HES7: variants seen among roughly 807,000 people sequenced by gnomAD.
The protein encoded by HES7 is hes family bHLH transcription factor 7, also known as transcription factor HES-7.
HES7 carries 8 observed loss-of-function variants against 18.0 expected under a neutral mutation model. The ratio of observed to expected loss-of-function variants is 0.45; its 90% CI spans 0.26 to 0.80. HES7 has a LOEUF of 0.80. Ranked by LOEUF, HES7 falls within the 30% of genes least tolerant of loss-of-function variation. The probability of loss-of-function intolerance (pLI) is 0.18; values close to 1 mark genes in which losing one functional copy is unlikely to be tolerated. For synonymous variants in HES7, 170 were observed against 158.6 expected (o/e 1.07, Z -0.54); for missense variants, 356 against 340.9 (o/e 1.04, Z -0.35).
Position 8,122,076 on chromosome 17 carries a change from G to T in HES7, c.227-39C>A. ...CGGGAGCACAGGTGGGCAGGGCAGG[G>T]GCCCGGCAGGGGTGAGGGAAGGGGC... On this transcript the variant is annotated intron_variant, in intron 3 of 3. Transcript: ENST00000541682. This position sits in a 1 kb window ranked among gnomAD's most constrained non-coding sequence, Gnocchi z 6.9. 6.9e-7 allele frequency: 1 copy of T among 1,459,704 alleles called. No homozygotes were observed. 90.4% of individuals were successfully genotyped at this position (1,459,704 alleles called of 1,614,324 possible). A position where few individuals can be genotyped will look rare whatever the true frequency, so the allele number is the denominator to read the frequency against.
At chr17:8,125,769 T>A (rs377519668), upstream of HES7, among the ~76,000 whole-genome samples, 2 of 152,318 alleles carry the variant, frequency 1.3e-5, 1 homozygote, top group Admixed American at 1.3e-4. Context: ...AGTGGTAGAA[T>A]TCTCGCCTGC....
chr17:8,122,675 T>G lies in HES7; in HGVS notation c.139-245A>C, dbSNP rs1216481119. Among the ~76,000 whole-genome samples, 1 of 151,916 alleles carries G rather than the reference T, an allele frequency of 6.6e-6. No individual in the cohort carries two copies. The highest frequency in any genetic ancestry group is 1.5e-5 in the Non-Finnish European group (1 of 67,992). Reference sequence around the variant, plus strand: ...AATGCCCAACGCGTGAGGAGGAGATTTGAAACCGCAACCCAGGGAATGAAA... The same window carrying G: ...AATGCCCAACGCGTGAGGAGGAGATGTGAAACCGCAACCCAGGGAATGAAA... On this transcript the variant is annotated intron_variant, in intron 2 of 3. Transcript: ENST00000541682. The surrounding 1 kb of genome is among the most constrained non-coding windows in gnomAD (Gnocchi z 6.9).
At chr17:8,125,766 G>GC (rs1256311959), upstream of HES7, among the ~76,000 whole-genome samples, 1 of 152,232 alleles carries the variant, frequency 6.6e-6, no homozygotes, top group Non-Finnish European at 1.5e-5. Context: ...TTCAGTGGTA[G>GC]AATTCTCGCC....
chr17:8,124,732 C>T (rs1981531431), upstream of HES7, among the ~76,000 whole-genome samples: 1 of 152,148 alleles, frequency 6.6e-6, no homozygotes, highest in African/African-American at 2.4e-5. Flanking sequence ...CCAGCTTATC[C>T]CTGCAGGATC....
At position 8,120,900 on chromosome 17, in the gene HES7, T is replaced by TAAGCA. The variant is rs1568012891; in HGVS notation, c.*670_*671insTGCTT. ...CATTCCCACTCTAGTACCCGTAAGC[T>TAAGCA]ACAAGACGCCGCCGTTCGTCGGGTG... On this transcript the variant is annotated 3_prime_UTR_variant, in exon 4 of 4. Coordinates refer to ENST00000541682, the MANE Select transcript of HES7 (RefSeq NM_001165967.2). The TAAGCA allele has an allele frequency of 2.0e-5, 3 of 152,590 alleles. No individual in the cohort carries two copies. The highest frequency in any genetic ancestry group is 1.3e-4 in the Admixed American group (2 of 15,278). The allele number at this position is 152,590 out of a possible 1,614,324, so 9.5% of individuals were successfully genotyped here. A position where few individuals can be genotyped will look rare whatever the true frequency, so the allele number is the denominator to read the frequency against.
chr17:8,122,025 G>A lies in HES7; in HGVS notation c.239C>T (p.Pro80Leu). 1.3e-6 allele frequency: 2 copies of A among 1,512,112 alleles called. No individual in the cohort carries two copies. The highest frequency in any genetic ancestry group is 1.8e-6 in the Non-Finnish European group (2 of 1,138,704). 93.7% of individuals were successfully genotyped at this position (1,512,112 alleles called of 1,614,324 possible). A position where few individuals can be genotyped will look rare whatever the true frequency, so the allele number is the denominator to read the frequency against. Residue 80 changes from proline to leucine, a missense_variant, in exon 4 of 4, where the codon CCA (proline) becomes CTA (leucine). Transcript: ENST00000541682. This position sits in a 1 kb window ranked among gnomAD's most constrained non-coding sequence, Gnocchi z 6.9. ...CTGGACTGGGGACCGGGGAACCCCT[G>A]GAGCCGCGGCGGCTGGTGCGGCCGG... ...SRVEPPAAAA[P>L]GVPRSPVQDA...
In HES7 at chr17:8,123,919, G is replaced by A. The variant is rs1981490973; in HGVS notation, c.42+124C>T. ...CTTCCTCTCCAGCTTCTGGCTCCTG[G>A]AGTTCTGGAGCACCGCTCCCCTTCC... On this transcript the variant is annotated intron_variant, in intron 1 of 3. Coordinates refer to ENST00000541682, the MANE Select transcript of HES7 (RefSeq NM_001165967.2). The surrounding 1 kb of genome is among the most constrained non-coding windows in gnomAD (Gnocchi z 5.9). 1 of 1,062,428 alleles carries A rather than the reference G, an allele frequency of 9.4e-7. No homozygotes were observed. The highest frequency in any genetic ancestry group is 1.4e-6 in the Non-Finnish European group (1 of 708,290). 65.8% of individuals were successfully genotyped at this position (1,062,428 alleles called of 1,614,324 possible).
At chr17:8,125,814 G>A (rs550680128), upstream of HES7, among the ~76,000 whole-genome samples, 92 of 152,300 alleles carry the variant, frequency 6.0e-4, 1 homozygote, top group African/African-American at 1.8e-3. Flanking sequence ...CCCGGCCAAT[G>A]CACGAGTACA....
At chr17:8,126,127 C>T (rs1981600988), upstream of HES7, among the ~76,000 whole-genome samples, 2 of 152,150 alleles carry the variant, frequency 1.3e-5, no homozygotes, top group South Asian at 4.1e-4. Flanking sequence ...CTCCCCGCCC[C>T]CCACTCTACA....
At position 8,121,520 on chromosome 17, in the gene HES7, G is replaced by C. The variant is rs1426493506; in HGVS notation, c.*51C>G. 4.7e-6 allele frequency: 6 copies of C among 1,268,278 alleles called. No homozygotes were observed. Among genetic ancestry groups the C allele is most frequent in the Non-Finnish European group, 5.9e-6 (6 of 1,009,358 alleles). The allele number at this position is 1,268,278 out of a possible 1,614,324, so 78.6% of individuals were successfully genotyped here. On this transcript the variant is annotated 3_prime_UTR_variant, in exon 4 of 4. Coordinates refer to ENST00000541682, the MANE Select transcript of HES7 (RefSeq NM_001165967.2). The stretch of plus-strand genomic sequence containing the variant: ...GCCCGGGTCCCTCTGCTGCCCTCGG[G>C]CTGGAGTCTCTACCCCACCCCTAGA...
Position 8,122,382 on chromosome 17 carries a change from C to G in HES7, c.187G>C (p.Val63Leu). The change falls in exon 3 of 4, where the codon GTG becomes CTG. Residue 63 changes from valine (V) to leucine (L), a missense_variant. Coordinates refer to ENST00000541682, the MANE Select transcript of HES7 (RefSeq NM_001165967.2). The surrounding 1 kb of genome is among the most constrained non-coding windows in gnomAD (Gnocchi z 6.9). ...LEKAEILEFAVGYLRERSRVE... is the reference protein window; with the variant it reads ...LEKAEILEFALGYLRERSRVE... ...CGGCTTCGCTCCCTCAAGTAGCCCA[C>G]GGCGAACTCCAATATCTCCGCTTTC... 1.3e-6 allele frequency: 2 copies of G among 1,599,050 alleles called. No homozygotes were observed. Among genetic ancestry groups the G allele is most frequent in the Non-Finnish European group, 1.7e-6 (2 of 1,173,132 alleles).
upstream of HES7, among the ~76,000 whole-genome samples, chr17:8,125,816 A>G (rs1403570480): frequency 2.0e-5 from 3 of 152,246 alleles, no homozygotes; most frequent in East Asian, 3.8e-4. Context: ...CGGCCAATGC[A>G]CGAGTACAGT....
upstream of HES7, among the ~76,000 whole-genome samples, chr17:8,125,724 C>T (rs985835118): frequency 1.3e-5 from 2 of 152,206 alleles, no homozygotes; most frequent in Non-Finnish European, 2.9e-5. Flanking sequence ...CAGATAGGAT[C>T]CCCGCAGAAT....
At position 8,122,016 on chromosome 17, in the gene HES7, G is replaced by A. The variant is rs1193082589; in HGVS notation, c.248C>T (p.Pro83Leu). 1.3e-6 allele frequency: 2 copies of A among 1,521,198 alleles called. No homozygotes were observed. Among genetic ancestry groups the A allele is most frequent in the Admixed American group, 2.0e-5 (1 of 49,514 alleles). 94.2% of individuals were successfully genotyped at this position (1,521,198 alleles called of 1,614,324 possible). The change falls in exon 4 of 4, where the codon CCC (proline) becomes CTC (leucine). Residue 83 changes from proline (P) to leucine (L), a missense_variant. Physicochemically the swap from Pro to Leu is moderately conservative, Grantham distance 98. Transcript: ENST00000541682. This position sits in a 1 kb window ranked among gnomAD's most constrained non-coding sequence, Gnocchi z 6.9. Reference sequence around the variant, plus strand: ...CTCGGCGTCCTGGACTGGGGACCGGGGAACCCCTGGAGCCGCGGCGGCTGG... The same window carrying A: ...CTCGGCGTCCTGGACTGGGGACCGGAGAACCCCTGGAGCCGCGGCGGCTGG... ...EPPAAAAPGV[P>L]RSPVQDAEAL...
At chr17:8,124,613 TTCTA>T (rs1981525785), upstream of HES7, among the ~76,000 whole-genome samples, 1 of 152,168 alleles carries the variant, frequency 6.6e-6, no homozygotes, top group African/African-American at 2.4e-5. Context: ...AGGCGCTCTC[TTCTA>T]TCTAAGCCAG....
rs765170412 is a variant in HES7 at position 8,123,101 on chromosome 17, C to T, written c.68G>A (p.Arg23Gln). 6.2e-7 allele frequency: 1 copy of T among 1,607,662 alleles called. No individual in the cohort carries two copies. Among genetic ancestry groups the T allele is most frequent in the Admixed American group, 1.7e-5 (1 of 59,398 alleles). Residue 23 changes from arginine (R) to glutamine (Q), a missense_variant, in exon 2 of 4, where the codon CGG (arginine) becomes CAG (glutamine). Coordinates refer to ENST00000541682, the MANE Select transcript of HES7 (RefSeq NM_001165967.2). The surrounding 1 kb of genome is among the most constrained non-coding windows in gnomAD (Gnocchi z 5.9). ...PKMLKPLVEK[R>Q]RRDRINRSLE... is the part of the protein sequence containing the mutation. ...GCTGCGGTTGATGCGGTCCCGGCGC[C>T]GCTTCTCCACAAGCGGCTTGAGCAT...
At position 8,121,517 on chromosome 17, in the gene HES7, C is replaced by G. The variant is rs957489418; in HGVS notation, c.*54G>C. On this transcript the variant is annotated 3_prime_UTR_variant, in exon 4 of 4. Coordinates refer to ENST00000541682, the MANE Select transcript of HES7 (RefSeq NM_001165967.2). The stretch of plus-strand genomic sequence containing the variant: ...GACGCCCGGGTCCCTCTGCTGCCCT[C>G]GGGCTGGAGTCTCTACCCCACCCCT... 7.9e-7 allele frequency: 1 copy of G among 1,263,520 alleles called. No homozygotes were observed. Among genetic ancestry groups the G allele is most frequent in the African/African-American group, 1.6e-5 (1 of 64,312 alleles). 78.3% of individuals were successfully genotyped at this position (1,263,520 alleles called of 1,614,324 possible). A position where few individuals can be genotyped will look rare whatever the true frequency, so the allele number is the denominator to read the frequency against.
chr17:8,123,894 C>G lies in HES7; in HGVS notation c.42+149G>C. 2.3e-6 allele frequency: 2 copies of G among 876,470 alleles called. No individual in the cohort carries two copies. The highest frequency in any genetic ancestry group is 3.6e-6 in the Non-Finnish European group (2 of 554,500). 54.3% of individuals were successfully genotyped at this position (876,470 alleles called of 1,614,324 possible). ...CTGTCCCCTTCTTCATATTTTGCAG[C>G]TTCCTCTCCAGCTTCTGGCTCCTGG... On this transcript the variant is annotated intron_variant, in intron 1 of 3. Transcript: ENST00000541682. This position sits in a 1 kb window ranked among gnomAD's most constrained non-coding sequence, Gnocchi z 5.9.
rs573348922 is a variant in HES7, at chr17:8,123,341, C to A, written c.43-215G>T. On this transcript the variant is annotated intron_variant, in intron 1 of 3. Transcript: ENST00000541682. This position sits in a 1 kb window ranked among gnomAD's most constrained non-coding sequence, Gnocchi z 5.9. Reference sequence around the variant, plus strand: ...TCGCCTCCCCGGATCTTCGCATTCTCCTCTCTCAGTCTCGTCCTCCCTCCT... The same window carrying A: ...TCGCCTCCCCGGATCTTCGCATTCTACTCTCTCAGTCTCGTCCTCCCTCCT... The A allele has an allele frequency of 1.0e-5, 6 of 600,988 alleles. No individual in the cohort carries two copies. In the Admixed American group the frequency reaches 1.4e-4, roughly 14 times the overall value. The allele number at this position is 600,988 out of a possible 1,614,324, so 37.2% of individuals were successfully genotyped here. A position where few individuals can be genotyped will look rare whatever the true frequency, so the allele number is the denominator to read the frequency against.
Sources: allele counts gnomAD v4.1 joint callset (sites outside exome capture counted in the v4.1 genomes callset), GRCh38; gene constraint gnomAD v4.1.1; non-coding constraint Gnocchi (gnomAD v3.1); transcripts MANE v1.5; gene names NCBI Gene and HGNC (gene_info 2026-07-23, HGNC 2026-07-21).